Variants in AOAH observed in about 807,000 individuals in gnomAD.
AOAH encodes acyloxyacyl hydrolase.
A neutral mutation model predicts 92.2 loss-of-function variants in AOAH; 64 were observed. That is an observed-to-expected ratio of 0.69 (90% CI 0.57 to 0.86). AOAH has a LOEUF of 0.86. AOAH is among the 40% of genes least tolerant of loss of function. The probability of loss-of-function intolerance (pLI) is 0.00; values close to 1 mark genes in which losing one functional copy is unlikely to be tolerated. For missense variants in AOAH, 656 were observed against 694.6 expected (o/e 0.94, Z 0.62); for synonymous variants, 263 against 254.5 (o/e 1.03, Z -0.32).
intron 12 of AOAH, among the ~76,000 whole-genome samples, chr7:36,579,089 G>T (rs1048989958): frequency 2.0e-5 from 3 of 152,040 alleles, no homozygotes; most frequent in African/African-American, 7.2e-5. Flanking sequence ...GTACCAACAG[G>T]GATGGTGCTT....
intron 4 of AOAH, among the ~76,000 whole-genome samples, chr7:36,641,315 T>A (rs1793895012): frequency 6.6e-6 from 1 of 152,262 alleles, no homozygotes; most frequent in South Asian, 2.1e-4. Flanking sequence ...GAACTGCCAT[T>A]CTAGAAGCCC....
At chr7:36,594,301 A>G (rs1392872643) in intron 12 of AOAH, 38 bp downstream of exon 12, 1 of 1,478,538 alleles carries the variant, frequency 6.8e-7, no homozygotes, top group Admixed American at 1.7e-5. Flanking sequence ...CCTTACACAG[A>G]GGTATTGAAA....
chr7:36,695,699 C>T (rs1562705660), intron 1 of AOAH, among the ~76,000 whole-genome samples: 1 of 152,178 alleles, frequency 6.6e-6, no homozygotes, highest in Admixed American at 6.5e-5. Context: ...TTAATTAAAA[C>T]AATCATTGCT....
At chr7:36,564,900 A>G (rs1048036000) in intron 13 of AOAH, among the ~76,000 whole-genome samples, 2 of 152,256 alleles carry the variant, frequency 1.3e-5, no homozygotes, top group African/African-American at 4.8e-5. Context: ...AAATAGTCCC[A>G]TTTGAATCAG....
intron 1 of AOAH, among the ~76,000 whole-genome samples, chr7:36,713,829 G>A (rs1185218998): frequency 5.9e-5 from 9 of 152,160 alleles, no homozygotes; most frequent in African/African-American, 1.9e-4. Context: ...TCAAAGCAGC[G>A]TGTAGAGGGA....
intron 5 of AOAH, among the ~76,000 whole-genome samples, chr7:36,636,301 C>T (rs945392472): frequency 3.3e-5 from 5 of 151,628 alleles, no homozygotes; most frequent in African/African-American, 4.8e-5. Context: ...TTTCACTTCT[C>T]GCGAGTAATT....
At chr7:36,550,617 G>A (rs1786162166) in intron 13 of AOAH, among the ~76,000 whole-genome samples, 1 of 152,158 alleles carries the variant, frequency 6.6e-6, no homozygotes, top group Non-Finnish European at 1.5e-5. Flanking sequence ...TGCTCCTCTA[G>A]GCTGTAGTTG....
intron 13 of AOAH, among the ~76,000 whole-genome samples, chr7:36,560,457 G>A (rs1037006768): frequency 2.6e-5 from 4 of 152,088 alleles, no homozygotes; most frequent in African/African-American, 9.7e-5. Context: ...GACCTCCTTG[G>A]TTAGATGTAT....
chr7:36,579,253 T>C (rs570836581), intron 12 of AOAH, among the ~76,000 whole-genome samples: 4 of 152,124 alleles, frequency 2.6e-5, no homozygotes, highest in South Asian at 2.1e-4. Context: ...TGAAGCCATC[T>C]TGGATTCTCC....
chr7:36,560,469 C>T (rs1380413990), intron 13 of AOAH, among the ~76,000 whole-genome samples: 1 of 152,036 alleles, frequency 6.6e-6, no homozygotes, highest in African/African-American at 2.4e-5. Flanking sequence ...TAGATGTATT[C>T]CTAGGTATTT....
chr7:36,710,436 A>G (rs80281580), intron 1 of AOAH, among the ~76,000 whole-genome samples: 2,308 of 152,334 alleles, frequency 0.015, 53 homozygotes, highest in African/African-American at 0.052. Flanking sequence ...CGGCAACTGC[A>G]AGGAACCGTA....
intron 1 of AOAH, among the ~76,000 whole-genome samples, chr7:36,713,439 G>C (rs1245967656): frequency 6.6e-6 from 1 of 152,006 alleles, no homozygotes; most frequent in Admixed American, 6.6e-5. Flanking sequence ...AGTTAACAAG[G>C]ATATCCAGGA....
chr7:36,635,532 T>C (rs76961250), intron 5 of AOAH, among the ~76,000 whole-genome samples: 4,541 of 152,180 alleles, frequency 0.03, 224 homozygotes, highest in African/African-American at 0.1. Flanking sequence ...GGGGTTTGGA[T>C]CTCGGCAATT....
At chr7:36,594,520 G>C in intron 11 of AOAH, 90 bp from the exon 12 acceptor site, 5 of 1,077,462 alleles carry the variant, frequency 4.6e-6, no homozygotes. Flanking sequence ...GTTGCTCTCT[G>C]TGTGTCTGTT....
At chr7:36,621,205 A>T (rs762386208) in intron 8 of AOAH, among the ~76,000 whole-genome samples, 1 of 152,232 alleles carries the variant, frequency 6.6e-6, no homozygotes, top group African/African-American at 2.4e-5. Flanking sequence ...TTGACACTAT[A>T]GTCACAACAA....
intron 12 of AOAH, among the ~76,000 whole-genome samples, chr7:36,579,675 A>C (rs964374527): frequency 3.3e-5 from 5 of 152,156 alleles, no homozygotes; most frequent in African/African-American, 1.2e-4. Context: ...AGCATGGGAG[A>C]AAGATGTAGC....
chr7:36,583,978 C>T (rs1027908993), intron 12 of AOAH, among the ~76,000 whole-genome samples: 9 of 152,180 alleles, frequency 5.9e-5, no homozygotes, highest in African/African-American at 1.2e-4. Flanking sequence ...ATGACCTAAA[C>T]GGCATTTCTC....
At chr7:36,578,716 T>G (rs536849008) in intron 12 of AOAH, among the ~76,000 whole-genome samples, 3 of 152,262 alleles carry the variant, frequency 2.0e-5, no homozygotes, top group Non-Finnish European at 2.9e-5. Context: ...AATCAATGAT[T>G]GCTTTCTAAT....
rs944968527 is a variant in AOAH at position 36,614,166 on chromosome 7, C to T, written c.846+2214G>A. 1.1e-4 allele frequency among the ~76,000 whole-genome samples: 16 copies of T among 152,306 alleles called. No individual in the cohort carries two copies. Among genetic ancestry groups the T allele is most frequent in the Middle Eastern group, 6.8e-3 (2 of 294 alleles). On this transcript the variant is annotated intron_variant, in intron 11 of 20. Coordinates refer to ENST00000617537, the MANE Select transcript of AOAH (RefSeq NM_001637.4). This position sits in a 1 kb window ranked among gnomAD's most constrained non-coding sequence, Gnocchi z 4.2. ...CCCCACCGTGCCCATGTCCCTTTCTCGAGGGCAGGGGCACCACCCCCTTCT... is the reference window on the plus strand; with the variant it reads ...CCCCACCGTGCCCATGTCCCTTTCTTGAGGGCAGGGGCACCACCCCCTTCT...
Sources: allele counts gnomAD v4.1 joint callset (sites outside exome capture counted in the v4.1 genomes callset), GRCh38; gene constraint gnomAD v4.1.1; non-coding constraint Gnocchi (gnomAD v3.1); transcripts MANE v1.5; gene names NCBI Gene and HGNC (gene_info 2026-07-23, HGNC 2026-07-21).